TRABD2B: variants seen among roughly 807,000 people sequenced by gnomAD.
TRABD2B encodes metalloprotease TIKI2.
In TRABD2B, 14 loss-of-function variants were observed where a neutral mutation model predicts 40.1. That is an observed-to-expected ratio of 0.35 (90% CI 0.23 to 0.55). The LOEUF (loss-of-function observed/expected upper bound fraction) is 0.55. Ranked by LOEUF, TRABD2B falls within the 20% of genes least tolerant of loss-of-function variation. The pLI is 0.90. For missense variants in TRABD2B, 541 were observed against 648.6 expected, an observed-to-expected ratio of 0.83 and a Z score of 1.80; for synonymous variants, 263 against 277.0, an observed-to-expected ratio of 0.95 and a Z score of 0.50.
At position 47,794,704 on chromosome 1, in the gene TRABD2B, C is replaced by T; in HGVS notation, c.870G>A (p.Glu290=). 6.5e-7 allele frequency: 1 copy of T among 1,536,398 alleles called. No individual in the cohort carries two copies. The highest frequency in any genetic ancestry group is 1.2e-5 in the South Asian group (1 of 84,018). The stretch of plus-strand genomic sequence containing the variant: ...GCTCCTGGCGGAAGTAGCTGTCAAT[C>T]TCCTGGGCCGTCACCTGCTCGTGTG... ...LPPHEQVTAQ[E]IDSYFRQELI... Residue 290 remains glutamate (E), a synonymous_variant, in exon 4 of 7, where the codon GAG becomes GAA. Transcript: ENST00000606738.
intron 2 of TRABD2B, among the ~76,000 whole-genome samples, chr1:47,865,153 C>A (rs1644037159): frequency 6.6e-6 from 1 of 152,178 alleles, no homozygotes; most frequent in African/African-American, 2.4e-5. Context: ...CAATCTGCTC[C>A]CTTCTTTTGA....
chr1:47,919,515 C>T (rs917637864), intron 2 of TRABD2B, among the ~76,000 whole-genome samples: 3 of 152,220 alleles, frequency 2.0e-5, no homozygotes, highest in African/African-American at 2.4e-5. Context: ...AAAGCAGCTC[C>T]GCTGCTGGTT....
In TRABD2B at chr1:47,774,618, C is replaced by A. The variant is rs112503247; in HGVS notation, c.1349+552G>T. The stretch of plus-strand genomic sequence containing the variant: ...GGGTCTCCGTGCATTAGGATGATTT[C>A]TCCTATCTGTCCATTTTCAACAAGA... On this transcript the variant is annotated intron_variant, in intron 6 of 6. Coordinates refer to ENST00000606738, the MANE Select transcript of TRABD2B (RefSeq NM_001194986.2). 1.4e-3 allele frequency among the ~76,000 whole-genome samples: 218 copies of A among 152,296 alleles called. 3 individuals carry two copies. Among genetic ancestry groups the A allele is most frequent in the African/African-American group, 5.1e-3 (212 of 41,568 alleles).
intron 2 of TRABD2B, among the ~76,000 whole-genome samples, chr1:47,895,775 G>A (rs1393094576): frequency 6.6e-6 from 1 of 152,222 alleles, no homozygotes; most frequent in East Asian, 1.9e-4. Context: ...GGGCCCATAG[G>A]GCAGAGATTT....
In TRABD2B at chr1:47,954,016, C is replaced by T. The variant is rs112313117; in HGVS notation, c.666+40018G>A. The stretch of plus-strand genomic sequence containing the variant: ...ATGTATAACATTTAATTCAAACTGG[C>T]ATTTCTTGAGGGCCTACTATGTACC... On this transcript the variant is annotated intron_variant, in intron 2 of 6. Coordinates refer to ENST00000606738, the MANE Select transcript of TRABD2B (RefSeq NM_001194986.2). 2.6e-5 allele frequency among the ~76,000 whole-genome samples: 4 copies of T among 152,314 alleles called. 1 individual carries two copies. Among genetic ancestry groups the T allele is most frequent in the African/African-American group, 9.6e-5 (4 of 41,574 alleles).
intron 6 of TRABD2B, among the ~76,000 whole-genome samples, chr1:47,774,119 C>G (rs1021531070): frequency 3.3e-5 from 5 of 152,150 alleles, no homozygotes; most frequent in Non-Finnish European, 7.3e-5. Context: ...ACGCAACATA[C>G]AGAGTCCCAG....
At chr1:47,965,201 C>CGGGGGGGGG (rs1337943602) in intron 2 of TRABD2B, among the ~76,000 whole-genome samples, 1 of 9,498 alleles carries the variant, frequency 1.1e-4, no homozygotes, top group Non-Finnish European at 2.3e-4. Context: ...TGGCGGGGGG[C>CGGGGGGGGG]GGGGGGGGGT....
chr1:47,996,949 T>C lies in TRABD2B; in HGVS notation c.-160A>G, dbSNP rs1646102299. The C allele has an allele frequency of 9.8e-5, 109 of 1,114,368 alleles. No individual in the cohort carries two copies. Among genetic ancestry groups the C allele is most frequent in the Non-Finnish European group, 1.2e-4 (109 of 914,120 alleles). 69.0% of individuals were successfully genotyped at this position (1,114,368 alleles called of 1,614,324 possible). On this transcript the variant is annotated 5_prime_UTR_variant, in exon 1 of 7. Transcript: ENST00000606738. This position sits in a 1 kb window ranked among gnomAD's most constrained non-coding sequence, Gnocchi z 4.6. ...CGTGGCTGACTGTCCCTGTCGGACC[T>C]GGGGGTTTCTCTGGGGCCGGGCTCC...
At chr1:47,886,308 A>T (rs1338475717) in intron 2 of TRABD2B, among the ~76,000 whole-genome samples, 1 of 152,198 alleles carries the variant, frequency 6.6e-6, no homozygotes, top group Non-Finnish European at 1.5e-5. Context: ...TGCACTGTTC[A>T]GCATGATGGA....
At chr1:47,882,922 C>G (rs920498750) in intron 2 of TRABD2B, among the ~76,000 whole-genome samples, 1 of 152,166 alleles carries the variant, frequency 6.6e-6, no homozygotes, top group Non-Finnish European at 1.5e-5. Context: ...CCTGGAGAAG[C>G]TGCTCATTCC....
At chr1:47,775,128 C>T in intron 6 of TRABD2B, 42 bp downstream of exon 6, 1 of 1,232,516 alleles carries the variant, frequency 8.1e-7, no homozygotes, top group Non-Finnish European at 1.0e-6. Flanking sequence ...ATCCCGGGTG[C>T]AGACGCCCAG....
chr1:47,937,303 CCAT>C (rs201278506), intron 2 of TRABD2B, among the ~76,000 whole-genome samples: 2 of 150,950 alleles, frequency 1.3e-5, no homozygotes, highest in East Asian at 4.0e-4. Context: ...ATCACCACCA[CCAT>C]CATGATCATC....
chr1:47,878,096 C>G (rs950006782), intron 2 of TRABD2B, among the ~76,000 whole-genome samples: 5 of 151,974 alleles, frequency 3.3e-5, no homozygotes, highest in African/African-American at 1.2e-4. Flanking sequence ...AGGTGGATCA[C>G]CTGAGGTCAG....
At chr1:47,830,430 C>T (rs1645233503) in intron 2 of TRABD2B, among the ~76,000 whole-genome samples, 1 of 152,232 alleles carries the variant, frequency 6.6e-6, no homozygotes, top group Non-Finnish European at 1.5e-5. Flanking sequence ...CATGAGAAAA[C>T]CCACCAAGCT....
At position 47,994,235 on chromosome 1, in the gene TRABD2B, C is replaced by T. The variant is rs3814006; in HGVS notation, c.465G>A (p.Ala155=). The T allele has an allele frequency of 0.24, 364,765 of 1,543,908 alleles. 45,459 individuals carry two copies. Among genetic ancestry groups the T allele is most frequent in the Non-Finnish European group, 0.25 (289,522 of 1,150,500 alleles). ...CGGGCCTCTTGCGCTCCCAGTTGCC[C>T]GCGATGGCATTGAATAGGTAGTCAG... ...LYADYLFNAI[A]GNWERKRPVW... Residue 155 remains alanine (A), a synonymous_variant, in exon 2 of 7, where the codon GCG becomes GCA. Transcript: ENST00000606738. The surrounding 1 kb of genome is among the most constrained non-coding windows in gnomAD (Gnocchi z 6.7).
intron 2 of TRABD2B, among the ~76,000 whole-genome samples, chr1:47,876,925 C>T (rs1644233341): frequency 6.6e-6 from 1 of 152,226 alleles, no homozygotes; most frequent in South Asian, 2.1e-4. Context: ...GTGTGCCAGG[C>T]ACTGTGCTAG....
intron 2 of TRABD2B, among the ~76,000 whole-genome samples, chr1:47,875,489 C>T (rs1169656317): frequency 6.6e-6 from 1 of 151,736 alleles, no homozygotes; most frequent in Non-Finnish European, 1.5e-5. Flanking sequence ...GAGTTCAAGA[C>T]CAGCCTGGGC....
At chr1:47,801,189 G>A (rs976419247) in intron 3 of TRABD2B, among the ~76,000 whole-genome samples, 2 of 152,170 alleles carry the variant, frequency 1.3e-5, no homozygotes, top group African/African-American at 4.8e-5. Flanking sequence ...CTGAACCTCT[G>A]AGGCCTCCCT....
intron 2 of TRABD2B, among the ~76,000 whole-genome samples, chr1:47,846,452 T>C (rs1645471187): frequency 6.6e-6 from 1 of 152,176 alleles, no homozygotes; most frequent in South Asian, 2.1e-4. Context: ...CTAGCCTGTT[T>C]CTCTAATTCT....
Sources: allele counts gnomAD v4.1 joint callset (sites outside exome capture counted in the v4.1 genomes callset), GRCh38; gene constraint gnomAD v4.1.1; non-coding constraint Gnocchi (gnomAD v3.1); transcripts MANE v1.5; gene names NCBI Gene and HGNC (gene_info 2026-07-23, HGNC 2026-07-21).